The following ZCCHC7 variants were observed in gnomAD, a reference collection of about 807,000 sequenced individuals.
ZCCHC7 encodes zinc finger CCHC domain-containing protein 7.
A neutral mutation model predicts 52.0 loss-of-function variants in ZCCHC7; 35 were observed. That is an observed-to-expected ratio of 0.67 (90% CI 0.51 to 0.89). The LOEUF (loss-of-function observed/expected upper bound fraction) is 0.89, where lower values mean the gene tolerates loss of function less well. Among genes scored for constraint, ZCCHC7 ranks in the 40% least tolerant of loss-of-function variants. The pLI is 0.00. For missense variants in ZCCHC7, 574 were observed against 649.1 expected (o/e 0.88, Z 1.26); for synonymous variants, 217 against 221.5 (o/e 0.98, Z 0.18).
intron 2 of ZCCHC7, among the ~76,000 whole-genome samples, chr9:37,200,099 G>A (rs189361863): frequency 6.6e-6 from 1 of 152,208 alleles, no homozygotes; most frequent in Non-Finnish European, 1.5e-5. Flanking sequence ...TTTTGATTGG[G>A]TTACACGTTC....
intron 5 of ZCCHC7, among the ~76,000 whole-genome samples, chr9:37,316,666 C>T (rs1007761115): frequency 6.6e-6 from 1 of 152,132 alleles, no homozygotes; most frequent in Non-Finnish European, 1.5e-5. Flanking sequence ...ATGGAAGGGT[C>T]TTTTAATGGT....
intron 2 of ZCCHC7, among the ~76,000 whole-genome samples, chr9:37,235,303 A>T (rs888263594): frequency 6.6e-6 from 1 of 152,066 alleles, no homozygotes; most frequent in Non-Finnish European, 1.5e-5. Flanking sequence ...TACCCTGTAC[A>T]TCTGTGAGAG....
intron 2 of ZCCHC7, among the ~76,000 whole-genome samples, chr9:37,225,706 G>A (rs1825062847): frequency 6.6e-6 from 1 of 152,172 alleles, no homozygotes; most frequent in African/African-American, 2.4e-5. Flanking sequence ...AATAGATGCA[G>A]ATAAAGCATT....
intron 2 of ZCCHC7, among the ~76,000 whole-genome samples, chr9:37,150,046 T>C (rs753302978): frequency 3.9e-5 from 6 of 152,216 alleles, no homozygotes; most frequent in Non-Finnish European, 8.8e-5. Context: ...TGACAGAGTG[T>C]CATTAAGGTT....
intron 2 of ZCCHC7, among the ~76,000 whole-genome samples, chr9:37,170,820 A>T (rs773248234): frequency 6.6e-6 from 1 of 152,172 alleles, no homozygotes; most frequent in Non-Finnish European, 1.5e-5. Context: ...AACTTCAGTA[A>T]TAGCACCTTT....
chr9:37,248,108 T>C (rs1826159608), intron 2 of ZCCHC7, among the ~76,000 whole-genome samples: 1 of 152,182 alleles, frequency 6.6e-6, no homozygotes, highest in South Asian at 2.1e-4. Flanking sequence ...ATTTTTAGTG[T>C]TTTATATATA....
chr9:37,345,550 T>C (rs147381064), intron 6 of ZCCHC7, among the ~76,000 whole-genome samples: 7,851 of 152,088 alleles, frequency 0.052, 658 homozygotes, highest in African/African-American at 0.18. Flanking sequence ...CAAAACCTCA[T>C]CTCTACTAAA....
chr9:37,275,917 C>T (rs557357301), intron 2 of ZCCHC7, among the ~76,000 whole-genome samples: 2 of 152,336 alleles, frequency 1.3e-5, no homozygotes, highest in South Asian at 4.1e-4. Context: ...TCCCAAAGTG[C>T]TGGGATTACA....
At chr9:37,186,809 G>A in intron 2 of ZCCHC7, 1 of 420,344 alleles carries the variant, frequency 2.4e-6, no homozygotes, top group African/African-American at 2.0e-5. Context: ...GGATGATTTT[G>A]GCACTTTTTC....
At chr9:37,309,668 A>G (rs558628263) in intron 5 of ZCCHC7, among the ~76,000 whole-genome samples, 1 of 152,024 alleles carries the variant, frequency 6.6e-6, no homozygotes, top group Non-Finnish European at 1.5e-5. Context: ...CATGCCTGTT[A>G]CCCAGCACTT....
At chr9:37,306,057 ATATTTATT>A (rs539869053) in intron 5 of ZCCHC7, among the ~76,000 whole-genome samples, 8 of 151,682 alleles carry the variant, frequency 5.3e-5, no homozygotes, top group Admixed American at 1.3e-4. Context: ...TTGTGTATTC[ATATTTATT>A]TATTTATTTA....
intron 2 of ZCCHC7, among the ~76,000 whole-genome samples, chr9:37,139,749 C>A (rs567459059): frequency 6.4e-4 from 98 of 152,022 alleles, no homozygotes; most frequent in Non-Finnish European, 1.4e-3. Context: ...TTATAACCAC[C>A]TCAGTGTGAA....
At chr9:37,337,909 C>T (rs371766041) in intron 6 of ZCCHC7, among the ~76,000 whole-genome samples, 19 of 152,034 alleles carry the variant, frequency 1.2e-4, no homozygotes, top group African/African-American at 2.7e-4. Flanking sequence ...TTAAAATAGA[C>T]GGAGGGATAG....
At chr9:37,279,186 C>G (rs1185748106) in intron 2 of ZCCHC7, among the ~76,000 whole-genome samples, 1 of 149,728 alleles carries the variant, frequency 6.7e-6, no homozygotes, top group Non-Finnish European at 1.5e-5. Context: ...TTATTTGTTT[C>G]AAATGTATAT....
chr9:37,217,909 G>C (rs1383252343), intron 2 of ZCCHC7, among the ~76,000 whole-genome samples: 1 of 152,110 alleles, frequency 6.6e-6, no homozygotes, highest in Non-Finnish European at 1.5e-5. Context: ...TGAATATTCT[G>C]TTTGGAAATT....
chr9:37,181,427 A>G (rs1822347453), intron 2 of ZCCHC7, among the ~76,000 whole-genome samples: 1 of 152,266 alleles, frequency 6.6e-6, no homozygotes, highest in Non-Finnish European at 1.5e-5. Flanking sequence ...GAGAACATTT[A>G]TAGCAGCATT....
intron 2 of ZCCHC7, among the ~76,000 whole-genome samples, chr9:37,294,577 T>C (rs1006035519): frequency 2.6e-5 from 4 of 152,180 alleles, no homozygotes; most frequent in Non-Finnish European, 5.9e-5. Flanking sequence ...AAATTGTAAG[T>C]TTTTTCCCTA....
At chr9:37,126,153 C>T (rs1268932661) in intron 1 of ZCCHC7, among the ~76,000 whole-genome samples, 159 bp from the exon 2 acceptor site, 1 of 152,150 alleles carries the variant, frequency 6.6e-6, no homozygotes, top group Non-Finnish European at 1.5e-5. Flanking sequence ...TGGGTCCTAA[C>T]AGGACTTAGA....
At chr9:37,181,057 G>A (rs546229517) in intron 2 of ZCCHC7, among the ~76,000 whole-genome samples, 1 of 152,066 alleles carries the variant, frequency 6.6e-6, no homozygotes, top group African/African-American at 2.4e-5. Flanking sequence ...TATTTGGTAT[G>A]TTCTATGCTT....
Sources: gnomAD v4.1 joint callset for allele counts (sites outside exome capture counted in the v4.1 genomes callset) on GRCh38, gnomAD v4.1.1 for gene constraint, MANE v1.5 for transcripts, NCBI Gene and HGNC (gene_info 2026-07-23, HGNC 2026-07-21) for gene names.